The following FKBP1A variants were observed in gnomAD, a reference collection of about 807,000 sequenced individuals.
FKBP1A encodes the protein peptidyl-prolyl cis-trans isomerase FKBP1A.
FKBP1A carries 5 observed loss-of-function variants against 14.2 expected under a neutral mutation model. That is an observed-to-expected ratio of 0.35 (90% CI 0.18 to 0.74). FKBP1A has a LOEUF of 0.74. FKBP1A is among the 30% of genes least tolerant of loss of function. The probability of loss-of-function intolerance (pLI) is 0.56; values close to 1 mark genes in which losing one functional copy is unlikely to be tolerated. For synonymous variants in FKBP1A, 42 were observed against 49.1 expected (o/e 0.86, Z 0.60); for missense variants, 53 against 138.8 (o/e 0.38, Z 3.10).
intron 2 of FKBP1A, among the ~76,000 whole-genome samples, chr20:1,382,196 A>C (rs913166600): frequency 1.3e-5 from 2 of 152,208 alleles, no homozygotes; most frequent in Non-Finnish European, 2.9e-5. Context: ...TTAACTCTGG[A>C]GATCACTTGT....
At chr20:1,372,295 T>C in intron 3 of FKBP1A, 55 bp from the exon 4 acceptor site, 1 of 1,588,312 alleles carries the variant, frequency 6.3e-7, no homozygotes, top group Non-Finnish European at 8.6e-7. Context: ...CAACTGTCTC[T>C]GTAAGAAAAA....
In FKBP1A at chr20:1,389,586, C is replaced by T. The variant is rs576318448; in HGVS notation, c.85+3248G>A. 5.9e-5 allele frequency among the ~76,000 whole-genome samples: 9 copies of T among 152,340 alleles called. No homozygotes were observed. In the South Asian group the frequency reaches 1.9e-3, roughly 32 times the overall value. On this transcript the variant is annotated intron_variant, in intron 2 of 4. Transcript: ENST00000400137. ...CTGAGGACATGAGGTTGAGGGGCTC[C>T]TGGTTTTTCTCAGTCAGAAACCGGG...
chr20:1,388,057 C>T (rs1477507352), intron 2 of FKBP1A, among the ~76,000 whole-genome samples: 1 of 152,156 alleles, frequency 6.6e-6, no homozygotes, highest in African/African-American at 2.4e-5. Context: ...CCTAAGCACT[C>T]CACAGATCAC....
chr20:1,383,774 T>C (rs957945953), intron 2 of FKBP1A, among the ~76,000 whole-genome samples: 2 of 149,078 alleles, frequency 1.3e-5, no homozygotes, highest in Non-Finnish European at 3.0e-5. Flanking sequence ...AGGTTTGAGG[T>C]TGCAGTGAGC....
intron 2 of FKBP1A, among the ~76,000 whole-genome samples, chr20:1,387,024 T>C (rs978231561): frequency 5.3e-5 from 8 of 152,336 alleles, no homozygotes; most frequent in African/African-American, 1.4e-4. Context: ...CCTTGGCTTC[T>C]TCCATGGGAA....
At chr20:1,388,183 G>A (rs575791986) in intron 2 of FKBP1A, among the ~76,000 whole-genome samples, 32 of 152,276 alleles carry the variant, frequency 2.1e-4, no homozygotes, top group African/African-American at 7.5e-4. Context: ...ATGTTTAAAC[G>A]GAATCTATTC....
rs569254372 is a variant in FKBP1A at position 1,372,719 on chromosome 20, C to A, written c.199-479G>T. On this transcript the variant is annotated intron_variant, in intron 3 of 4. Coordinates refer to ENST00000400137, the MANE Select transcript of FKBP1A (RefSeq NM_000801.5). ...TTTCTGTATTTTTTCTATTTATACT[C>A]TTTTACCCATATAGGAAAACTTCAA... Among the ~76,000 whole-genome samples, 3 of 152,222 alleles carry A rather than the reference C, an allele frequency of 2.0e-5. No homozygotes were observed. In the East Asian group the frequency reaches 5.8e-4, roughly 29 times the overall value.
At chr20:1,390,409 T>C (rs1473117682) in intron 2 of FKBP1A, among the ~76,000 whole-genome samples, 1 of 151,188 alleles carries the variant, frequency 6.6e-6, no homozygotes, top group African/African-American at 2.4e-5. Flanking sequence ...CACCCACCAG[T>C]TGGGAGAAGC....
rs1178830969 is a variant in FKBP1A at position 1,379,076 on chromosome 20, AG to A, written c.86-3474del. 6.6e-6 allele frequency among the ~76,000 whole-genome samples: 1 copy of A among 152,238 alleles called. No individual in the cohort carries two copies. The highest frequency in any genetic ancestry group is 2.4e-5 in the African/African-American group (1 of 41,458). ...ATGGTTCATAACCCACAATTTGGAA[AG>A]TACGGTATACCTATAAAAAATTAGC... On this transcript the variant is annotated intron_variant, in intron 2 of 4. Coordinates refer to ENST00000400137, the MANE Select transcript of FKBP1A (RefSeq NM_000801.5). This position sits in a 1 kb window ranked among gnomAD's most constrained non-coding sequence, Gnocchi z 4.3.
chr20:1,392,226 G>T (rs763942597), intron 2 of FKBP1A, among the ~76,000 whole-genome samples: 1 of 152,148 alleles, frequency 6.6e-6, no homozygotes, highest in South Asian at 2.1e-4. Flanking sequence ...GTAAAAAGAC[G>T]GAAGAAGGCC....
At chr20:1,372,321 G>T in intron 3 of FKBP1A, 81 bp from the exon 4 acceptor site, 3 of 1,481,446 alleles carry the variant, frequency 2.0e-6, no homozygotes, top group Non-Finnish European at 9.3e-7. Context: ...GTTTACCTAG[G>T]TGTTCCTTGG....
intron 4 of FKBP1A, chr20:1,370,840 G>T (rs983069715): frequency 2.0e-6 from 2 of 985,286 alleles, no homozygotes; most frequent in African/African-American, 1.7e-5. Flanking sequence ...AGCTCTCAAA[G>T]AACAGGAAAG....
At chr20:1,388,454 C>T (rs1286615955) in intron 2 of FKBP1A, among the ~76,000 whole-genome samples, 1 of 152,184 alleles carries the variant, frequency 6.6e-6, no homozygotes, top group Admixed American at 6.5e-5. Flanking sequence ...TGGGTAGTCT[C>T]GATAGGCATT....
At chr20:1,373,891 A>T (rs1444870581) in intron 3 of FKBP1A, among the ~76,000 whole-genome samples, 1 of 152,214 alleles carries the variant, frequency 6.6e-6, no homozygotes, top group African/African-American at 2.4e-5. Context: ...TTCCCAAGGG[A>T]AGTAAACTAC....
At chr20:1,380,769 G>A (rs1363649565) in intron 2 of FKBP1A, among the ~76,000 whole-genome samples, 1 of 152,176 alleles carries the variant, frequency 6.6e-6, no homozygotes, top group Admixed American at 6.5e-5. Flanking sequence ...GACCCACAAT[G>A]AGGAGACTTA....
At chr20:1,389,296 C>T (rs1457889172) in intron 2 of FKBP1A, among the ~76,000 whole-genome samples, 2 of 152,214 alleles carry the variant, frequency 1.3e-5, no homozygotes, top group Non-Finnish European at 2.9e-5. Flanking sequence ...GGCAAAGGGA[C>T]TTGTTGCAGC....
At chr20:1,392,532 C>T (rs994886558) in intron 2 of FKBP1A, among the ~76,000 whole-genome samples, 1 of 152,206 alleles carries the variant, frequency 6.6e-6, no homozygotes, top group African/African-American at 2.4e-5. Context: ...CTCGCCAAGC[C>T]TCAGTTTCCT....
chr20:1,381,690 GGTA>G lies in FKBP1A; in HGVS notation c.86-6090_86-6088del, dbSNP rs531743106. 9.9e-5 allele frequency among the ~76,000 whole-genome samples: 15 copies of G among 152,174 alleles called. No individual in the cohort carries two copies. The East Asian group carries it at 2.9e-3, about 29-fold the overall frequency. On this transcript the variant is annotated intron_variant, in intron 2 of 4. Transcript: ENST00000400137. Reference sequence around the variant, plus strand: ...AAACTAACCCAAACATCCACCAACGGGTAAGTTGGTAAATACATGTTTCTATAT... The same window carrying G: ...AAACTAACCCAAACATCCACCAACGGAGTTGGTAAATACATGTTTCTATAT...
chr20:1,392,483 TGACCTTGGGAAAGTGA>T lies in FKBP1A; in HGVS notation c.85+335_85+350del, dbSNP rs1291344533. The stretch of plus-strand genomic sequence containing the variant: ...AGAGCTCTGCCCATTCCTGAAAGTG[TGACCTTGGGAAAGTGA>T]GACCTTGGGAAAGTGACTTCGCCTC... On this transcript the variant is annotated intron_variant, in intron 2 of 4. Coordinates refer to ENST00000400137, the MANE Select transcript of FKBP1A (RefSeq NM_000801.5). 1.8e-4 allele frequency among the ~76,000 whole-genome samples: 27 copies of T among 152,288 alleles called. 1 individual carries two copies. Among genetic ancestry groups the T allele is most frequent in the Middle Eastern group, 3.4e-3 (1 of 294 alleles).
Sources: gnomAD v4.1 joint callset for allele counts (sites outside exome capture counted in the v4.1 genomes callset) on GRCh38, gnomAD v4.1.1 for gene constraint, Gnocchi (gnomAD v3.1) non-coding constraint, MANE v1.5 for transcripts, NCBI Gene and HGNC (gene_info 2026-07-23, HGNC 2026-07-21) for gene names.